PLCL1: variants seen among roughly 807,000 people sequenced by gnomAD.
The protein encoded by PLCL1 is phospholipase C like 1 (inactive).
In PLCL1, 41 loss-of-function variants were observed where a neutral mutation model predicts 84.4. The observed-to-expected ratio is 0.49, with a 90% CI of 0.38 to 0.63. The LOEUF is 0.63. Among genes scored for constraint, PLCL1 ranks in the 30% least tolerant of loss-of-function variants. The pLI is 0.00. For missense variants in PLCL1, 1,206 were observed against 1,367.8 expected (o/e 0.88, Z 1.87); for synonymous variants, 490 against 488.3 (o/e 1.00, Z -0.05).
intron 1 of PLCL1, among the ~76,000 whole-genome samples, chr2:197,946,317 C>G (rs534962172): frequency 6.6e-6 from 1 of 151,950 alleles, no homozygotes; most frequent in African/African-American, 2.4e-5. Flanking sequence ...AAAACAAAGT[C>G]GAGAGGGGAA....
At chr2:197,841,616 T>C (rs1157231894) in intron 1 of PLCL1, among the ~76,000 whole-genome samples, 1 of 152,244 alleles carries the variant, frequency 6.6e-6, no homozygotes, top group African/African-American at 2.4e-5. Flanking sequence ...TATTCACTTA[T>C]TGAAGGACAT....
chr2:197,810,619 C>A lies in PLCL1; in HGVS notation c.240+5280C>A. 1.3e-5 allele frequency among the ~76,000 whole-genome samples: 2 copies of A among 152,098 alleles called. 1 individual carries two copies. The highest frequency in any genetic ancestry group is 2.9e-5 in the Non-Finnish European group (2 of 68,020). ...AAATAACACCTCAGGCATAGCAGGG[C>A]ATTATGAAAAGATATCAGGAGACAG... On this transcript the variant is annotated intron_variant, in intron 1 of 5. Transcript: ENST00000428675.
chr2:198,120,537 T>G lies in PLCL1; in HGVS notation c.3105+16601T>G, dbSNP rs1574326752. ...ATGTCCATGAGTTCAATTATTTTAA[T>G]TTTTAGCTCCCACAAATAACTTAGA... On this transcript the variant is annotated intron_variant, in intron 5 of 5. Transcript: ENST00000428675. Among the ~76,000 whole-genome samples the G allele has an allele frequency of 2.0e-5, 3 of 152,046 alleles. No individual in the cohort carries two copies. In the East Asian group the frequency reaches 5.8e-4, roughly 29 times the overall value.
chr2:197,900,046 T>C (rs1461649116), intron 1 of PLCL1, among the ~76,000 whole-genome samples: 1 of 152,202 alleles, frequency 6.6e-6, no homozygotes, highest in Non-Finnish European at 1.5e-5. Context: ...CACAGCACTT[T>C]CTAGTCCCAT....
chr2:198,083,449 G>A (rs1327566862), intron 1 of PLCL1, among the ~76,000 whole-genome samples: 1 of 152,212 alleles, frequency 6.6e-6, no homozygotes, highest in African/African-American at 2.4e-5. Context: ...GAGCTAGGTA[G>A]TCGAGGCACC....
chr2:198,043,743 G>C (rs1220301876), intron 1 of PLCL1, among the ~76,000 whole-genome samples: 1 of 152,136 alleles, frequency 6.6e-6, no homozygotes, highest in Non-Finnish European at 1.5e-5. Context: ...TTGGTTGGGG[G>C]AGGTGGCAGA....
intron 1 of PLCL1, among the ~76,000 whole-genome samples, chr2:197,845,271 A>G (rs896778954): frequency 6.6e-6 from 1 of 152,184 alleles, no homozygotes; most frequent in Non-Finnish European, 1.5e-5. Flanking sequence ...AGCTACTAAA[A>G]TAAATATTTT....
intron 1 of PLCL1, among the ~76,000 whole-genome samples, chr2:197,934,354 A>G (rs955516261): frequency 6.6e-6 from 1 of 152,210 alleles, no homozygotes; most frequent in East Asian, 1.9e-4. Context: ...GAGTTCATGG[A>G]AGTTTGTAAA....
At chr2:198,017,518 A>G (rs1288276564) in intron 1 of PLCL1, among the ~76,000 whole-genome samples, 1 of 152,224 alleles carries the variant, frequency 6.6e-6, no homozygotes, top group South Asian at 2.1e-4. Context: ...AAGGACAAAA[A>G]AATTGTTCTC....
chr2:198,047,512 G>A (rs1252543332), intron 1 of PLCL1, among the ~76,000 whole-genome samples: 1 of 152,042 alleles, frequency 6.6e-6, no homozygotes, highest in Non-Finnish European at 1.5e-5. Flanking sequence ...GTAGTTCTAT[G>A]ATCAGTATAT....
intron 1 of PLCL1, among the ~76,000 whole-genome samples, chr2:197,942,816 A>G (rs1258295960): frequency 6.6e-6 from 1 of 152,176 alleles, no homozygotes; most frequent in Non-Finnish European, 1.5e-5. Context: ...TATGGTATCT[A>G]ATGATGAATA....
chr2:197,850,031 GACACACACACACACACACACACACAC>G (rs5837563), intron 1 of PLCL1, among the ~76,000 whole-genome samples: 35 of 134,942 alleles, frequency 2.6e-4, no homozygotes, highest in Non-Finnish European at 3.9e-4. Flanking sequence ...GACACACACA[GACACACACACACACACACACACACAC>G]ACACACACAC....
At chr2:198,110,926 A>G (rs138442344) in intron 5 of PLCL1, among the ~76,000 whole-genome samples, 2 of 151,944 alleles carry the variant, frequency 1.3e-5, no homozygotes, top group East Asian at 1.9e-4. Context: ...AAGTATATTT[A>G]CAAAGTGTAG....
chr2:197,811,118 C>A (rs545046142), intron 1 of PLCL1, among the ~76,000 whole-genome samples: 1 of 152,212 alleles, frequency 6.6e-6, no homozygotes, highest in Non-Finnish European at 1.5e-5. Flanking sequence ...ACCTCCCTAT[C>A]TATCCTAGAT....
rs916740785 is a variant in PLCL1 at position 197,943,198 on chromosome 2, A to C, written c.240+137859A>C. ...AGTGACAGAGTGAGACCCTCTCTCA[A>C]AAAAAAAAAAAAAAAAAAAATCAGA... is the stretch of plus-strand genomic sequence containing the variant. On this transcript the variant is annotated intron_variant, in intron 1 of 5. Transcript: ENST00000428675. Among the ~76,000 whole-genome samples, 80 of 23,350 alleles carry C rather than the reference A, an allele frequency of 3.4e-3. 2 individuals carry two copies. The South Asian group carries it at 0.058, about 17-fold the overall frequency. The allele number at this position is 23,350 out of a possible 152,430, so 15.3% of individuals were successfully genotyped here. A position where few individuals can be genotyped will look rare whatever the true frequency, so the allele number is the denominator to read the frequency against.
At position 198,085,012 on chromosome 2, in the gene PLCL1, C is replaced by G; in HGVS notation, c.1495C>G (p.Gln499Glu). The G allele has an allele frequency of 6.2e-7, 1 of 1,614,022 alleles. No homozygotes were observed. Among genetic ancestry groups the G allele is most frequent in the Non-Finnish European group, 8.5e-7 (1 of 1,179,986 alleles). ...CTTGGGAAATCACTGCTCCTTGCCG[C>G]AGCAGAAGGTAATGGCTCAACAGAT... ...LCLGNHCSLPQQKVMAQQMKK... is the reference protein window; with the variant it reads ...LCLGNHCSLPEQKVMAQQMKK... Residue 499 changes from glutamine (Q) to glutamate (E), a missense_variant, in exon 2 of 6, where the codon CAG becomes GAG. Transcript: ENST00000428675. The surrounding 1 kb of genome is among the most constrained non-coding windows in gnomAD (Gnocchi z 5.3).
At chr2:197,907,843 A>G (rs2105743278) in intron 1 of PLCL1, among the ~76,000 whole-genome samples, 1 of 152,304 alleles carries the variant, frequency 6.6e-6, no homozygotes, top group South Asian at 2.1e-4. Flanking sequence ...TGCCTGGTCT[A>G]TCCCACAGAG....
chr2:197,850,638 G>GT (rs1032090644), intron 1 of PLCL1, among the ~76,000 whole-genome samples: 10 of 152,192 alleles, frequency 6.6e-5, no homozygotes, highest in African/African-American at 2.2e-4. Flanking sequence ...TGGCTTATAT[G>GT]TTTTTTCCCT....
intron 1 of PLCL1, among the ~76,000 whole-genome samples, chr2:197,886,405 C>G (rs60769138): frequency 0.65 from 65,758 of 101,702 alleles, 18,385 homozygotes; most frequent in Middle Eastern, 0.75. Context: ...GAATGAGACT[C>G]TGTCTCAAAA....
Sources: gnomAD v4.1 joint callset for allele counts (sites outside exome capture counted in the v4.1 genomes callset) on GRCh38, gnomAD v4.1.1 for gene constraint, Gnocchi (gnomAD v3.1) non-coding constraint, MANE v1.5 for transcripts, NCBI Gene and HGNC (gene_info 2026-07-23, HGNC 2026-07-21) for gene names.